Variants in MEIG1 observed in about 807,000 individuals in gnomAD.
MEIG1 encodes meiosis/spermiogenesis associated 1, also known as meiosis expressed gene 1 protein homolog.
In MEIG1, 12 loss-of-function variants were observed where a neutral mutation model predicts 11.3. That is an observed-to-expected ratio of 1.07 (90% confidence interval 0.68 to 1.73). MEIG1 has a LOEUF of 1.73. Among genes scored for constraint, MEIG1 ranks in the 40% most tolerant of loss-of-function variants. The probability of loss-of-function intolerance (pLI) is 0.00; values close to 1 mark genes in which losing one functional copy is unlikely to be tolerated. For synonymous variants in MEIG1, 41 were observed against 33.2 expected, an observed-to-expected ratio of 1.24 and a Z score of -0.81; for missense variants, 119 against 104.9, an observed-to-expected ratio of 1.13 and a Z score of -0.59.
intron 2 of MEIG1, among the ~76,000 whole-genome samples, chr10:14,967,640 T>C (rs1037776022): frequency 5.9e-5 from 9 of 152,004 alleles, no homozygotes; most frequent in African/African-American, 2.2e-4. Flanking sequence ...ACAAATTCAG[T>C]TCACCCCTGA....
At chr10:14,967,527 C>T (rs1843100433) in intron 2 of MEIG1, among the ~76,000 whole-genome samples, 2 of 143,280 alleles carry the variant, frequency 1.4e-5, no homozygotes, top group East Asian at 2.1e-4. Context: ...TTTTTTGAGA[C>T]AGAGTCTCAC....
At chr10:14,965,594 A>G (rs547028737) in intron 1 of MEIG1, among the ~76,000 whole-genome samples, 3 of 152,288 alleles carry the variant, frequency 2.0e-5, no homozygotes, top group African/African-American at 7.2e-5. Context: ...CAAGCAATTA[A>G]GAAGTGAAAA....
upstream of MEIG1, among the ~76,000 whole-genome samples, chr10:14,958,676 G>C (rs902806972): frequency 1.4e-4 from 22 of 152,206 alleles, no homozygotes; most frequent in East Asian, 9.7e-4. Flanking sequence ...GCGGGTGGAT[G>C]ACGAGGTCAG....
At chr10:14,964,213 A>G (rs2131264081) in intron 1 of MEIG1, among the ~76,000 whole-genome samples, 1 of 152,302 alleles carries the variant, frequency 6.6e-6, no homozygotes, top group Middle Eastern at 3.4e-3. Context: ...TTTTCATAGA[A>G]AAGAGTCCAT....
chr10:14,987,104 T>G (rs1343961271), intron 2 of MEIG1: 1 of 723,138 alleles, frequency 1.4e-6, no homozygotes, highest in East Asian at 5.3e-5. Context: ...ATGCATTCTA[T>G]ACATGCAAAA....
intron 2 of MEIG1, among the ~76,000 whole-genome samples, chr10:14,968,792 C>T (rs1216722011): frequency 2.6e-5 from 4 of 152,028 alleles, no homozygotes; most frequent in Admixed American, 2.0e-4. Flanking sequence ...TTAAAATAAG[C>T]TTTGGGCTGG....
downstream of MEIG1, among the ~76,000 whole-genome samples, chr10:14,973,780 A>AAAAG (rs1443973161): frequency 2.6e-5 from 4 of 151,298 alleles, no homozygotes; most frequent in Admixed American, 6.6e-5. Context: ...AAAAAAAAAA[A>AAAAG]AAAAAAGAAA....
chr10:14,978,682 G>A (rs796645038), intron 1 of MEIG1, among the ~76,000 whole-genome samples: 3 of 152,068 alleles, frequency 2.0e-5, no homozygotes, highest in African/African-American at 7.2e-5. Context: ...ATGTCACAGG[G>A]TGTGTACATC....
At chr10:14,984,383 C>T (rs761690776) in intron 1 of MEIG1, among the ~76,000 whole-genome samples, 1 of 152,082 alleles carries the variant, frequency 6.6e-6, no homozygotes, top group Admixed American at 6.5e-5. Flanking sequence ...GGGGTATACA[C>T]CCTGCGATAT....
rs6602790 is a variant in MEIG1 at position 14,981,445 on chromosome 10, A to C, written n.67-5351A>C. On this transcript the variant is annotated intron_variant and non_coding_transcript_variant, in intron 1 of 2. Coordinates refer to the MEIG1 transcript ENST00000467536. ...CTGATGAATGACTTGATGTCCTCCT[A>C]CAGTACAAGTCCGAGGCGAGCAGAA... 3.6e-3 allele frequency among the ~76,000 whole-genome samples: 544 copies of C among 152,186 alleles called. 4 individuals are homozygous for C. Among genetic ancestry groups the C allele is most frequent in the African/African-American group, 0.012 (513 of 41,534 alleles).
At chr10:14,959,742 C>G (rs934382831) in intron 1 of MEIG1, among the ~76,000 whole-genome samples, 185 bp downstream of exon 1, 4 of 152,250 alleles carry the variant, frequency 2.6e-5, no homozygotes, top group African/African-American at 9.6e-5. Flanking sequence ...AAGAGGGTCA[C>G]TATTTGGCCC....
chr10:14,954,952 G>T (rs1026709105), upstream of MEIG1, among the ~76,000 whole-genome samples: 1 of 152,134 alleles, frequency 6.6e-6, no homozygotes, highest in Non-Finnish European at 1.5e-5. Context: ...TATTTATTCA[G>T]TTGGGGTCTA....
At chr10:14,965,243 A>C (rs1311426647) in intron 1 of MEIG1, among the ~76,000 whole-genome samples, 1 of 152,236 alleles carries the variant, frequency 6.6e-6, no homozygotes, top group Non-Finnish European at 1.5e-5. Flanking sequence ...GAATGCATTC[A>C]AGGAATCATA....
intron 2 of MEIG1, 75 bp downstream of exon 2, chr10:14,966,681 A>G: frequency 1.5e-6 from 2 of 1,354,308 alleles, no homozygotes; most frequent in East Asian, 2.5e-5. Context: ...ATAAACAACC[A>G]GAGAATAACT....
intron 2 of MEIG1, 96 bp downstream of exon 2, chr10:14,966,702 C>A: frequency 1.9e-6 from 2 of 1,072,288 alleles, no homozygotes; most frequent in Non-Finnish European, 2.7e-6. Context: ...GAAGGAAATT[C>A]GACTCCAACT....
chr10:14,955,654 T>C (rs1189117946), upstream of MEIG1, among the ~76,000 whole-genome samples: 1 of 152,152 alleles, frequency 6.6e-6, no homozygotes, highest in Non-Finnish European at 1.5e-5. Context: ...GCCTAGATCA[T>C]GCCAGTTCAC....
chr10:14,987,047 G>A lies in MEIG1; in HGVS notation n.285+33G>A, dbSNP rs148744363. The A allele has an allele frequency of 2.4e-4, 146 of 598,336 alleles. 1 individual carries two copies. In the African/African-American group the frequency reaches 2.5e-3, roughly 10 times the overall value. The allele number at this position is 598,336 out of a possible 1,614,324, so 37.1% of individuals were successfully genotyped here. A position where few individuals can be genotyped will look rare whatever the true frequency, so the allele number is the denominator to read the frequency against. ...TTCATGATGACTGGGTAGTGCAGAG[G>A]GAGACAGATGGCTACAAAGCCGTCA... On this transcript the variant is annotated intron_variant and non_coding_transcript_variant, in intron 2 of 2. Transcript: ENST00000467536.
intron 1 of MEIG1, among the ~76,000 whole-genome samples, chr10:14,983,356 G>A (rs1331131607): frequency 6.6e-6 from 1 of 152,036 alleles, no homozygotes; most frequent in Non-Finnish European, 1.5e-5. Context: ...GAGGGGGAGA[G>A]GGTGATATTA....
chr10:14,982,405 G>C (rs111442232), intron 1 of MEIG1, among the ~76,000 whole-genome samples: 204 of 152,252 alleles, frequency 1.3e-3, no homozygotes, highest in African/African-American at 4.7e-3. Flanking sequence ...CTGCTTGGAG[G>C]ACTCTTTGCC....
Sources: gnomAD v4.1 joint callset for allele counts (sites outside exome capture counted in the v4.1 genomes callset) on GRCh38, gnomAD v4.1.1 for gene constraint, MANE v1.5 for transcripts, NCBI Gene and HGNC (gene_info 2026-07-23, HGNC 2026-07-21) for gene names.